Variants in AS3MT observed in about 807,000 individuals in gnomAD.
AS3MT encodes S-adenosyl-L-methionine:arsenic(III) methyltransferase.
AS3MT carries 47 observed loss-of-function variants against 45.3 expected under a neutral mutation model. The observed-to-expected ratio is 1.04, with a 90% CI of 0.82 to 1.32. The LOEUF is 1.32. Among genes scored for constraint, AS3MT ranks in the 40% most tolerant of loss-of-function variants. The pLI, the probability that AS3MT is intolerant of heterozygous loss-of-function variation, is 0.00. For missense variants in AS3MT, 396 were observed against 451.1 expected (o/e 0.88, Z 1.11); for synonymous variants, 141 against 152.8 (o/e 0.92, Z 0.57).
At chr10:102,884,702 G>T (rs1405710373) in intron 9 of AS3MT, among the ~76,000 whole-genome samples, 1 of 151,348 alleles carries the variant, frequency 6.6e-6, no homozygotes, top group Non-Finnish European at 1.5e-5. Context: ...GCCTGCCACC[G>T]TGCCCAGCTA....
At chr10:102,871,370 C>T (rs61870810) in intron 3 of AS3MT, among the ~76,000 whole-genome samples, 4,540 of 151,962 alleles carry the variant, frequency 0.03, 100 homozygotes, top group Middle Eastern at 0.054. Flanking sequence ...CATGGTGAAA[C>T]CCCGTCTCTA....
chr10:102,900,383 G>A (rs1031584791), intron 10 of AS3MT, among the ~76,000 whole-genome samples: 6 of 152,246 alleles, frequency 3.9e-5, no homozygotes, highest in South Asian at 4.1e-4. Context: ...GAAGCTTTAA[G>A]TGAAGTTTAC....
chr10:102,877,692 G>C (rs1182269233), intron 7 of AS3MT, among the ~76,000 whole-genome samples: 1 of 148,036 alleles, frequency 6.8e-6, no homozygotes, highest in Non-Finnish European at 1.5e-5. Flanking sequence ...GGGTGTCATA[G>C]TAAAACCCTA....
At chr10:102,875,587 G>C (rs12765337) in intron 6 of AS3MT, among the ~76,000 whole-genome samples, 56,794 of 151,082 alleles carry the variant, frequency 0.38, 10,895 homozygotes, top group East Asian at 0.56. Flanking sequence ...GAGTTTGTGT[G>C]CAGCTTGGGC....
chr10:102,892,985 AAAATAAATAAATAAAT>A (rs35801309), intron 10 of AS3MT, among the ~76,000 whole-genome samples: 1,621 of 138,356 alleles, frequency 0.012, 32 homozygotes, highest in African/African-American at 0.041. Flanking sequence ...ACTCTGTCTC[AAAATAAATAAATAAAT>A]AAATAAATAA....
intron 4 of AS3MT, among the ~76,000 whole-genome samples, 180 bp downstream of exon 4, chr10:102,872,778 T>C (rs771669666): frequency 5.3e-5 from 8 of 152,242 alleles, no homozygotes; most frequent in Non-Finnish European, 7.3e-5. Flanking sequence ...TTAGGGGTTC[T>C]TCTGGGCGAA....
At chr10:102,872,191 CATT>C (rs1844702595) in intron 3 of AS3MT, among the ~76,000 whole-genome samples, 1 of 152,144 alleles carries the variant, frequency 6.6e-6, no homozygotes, top group Admixed American at 6.6e-5. Context: ...AGCCTGAACA[CATT>C]ATTTTAGATG....
chr10:102,890,764 G>T (rs1845057082), intron 10 of AS3MT, 86 bp downstream of exon 10: 4 of 1,358,016 alleles, frequency 2.9e-6, no homozygotes, highest in Admixed American at 2.2e-5. Flanking sequence ...AGACTGGAGT[G>T]CAGTGGTGTG....
In AS3MT at chr10:102,873,077, C is replaced by T. The variant is rs770361492; in HGVS notation, c.322-20C>T. ...TATTTTTTTCAAAATGTTATCAAAACTATATTTTTCTTACTTTAGGTGGAA... is the reference window on the plus strand; with the variant it reads ...TATTTTTTTCAAAATGTTATCAAAATTATATTTTTCTTACTTTAGGTGGAA... On this transcript the variant is annotated intron_variant, in intron 4 of 10. Coordinates refer to ENST00000369880, the MANE Select transcript of AS3MT (RefSeq NM_020682.4). 6.5e-7 allele frequency: 1 copy of T among 1,543,906 alleles called. No homozygotes were observed. Among genetic ancestry groups the T allele is most frequent in the Non-Finnish European group, 8.7e-7 (1 of 1,151,408 alleles).
chr10:102,897,601 G>A (rs1189436583), intron 10 of AS3MT, among the ~76,000 whole-genome samples: 2 of 151,600 alleles, frequency 1.3e-5, no homozygotes, highest in Non-Finnish European at 2.9e-5. Flanking sequence ...GAGTAGCTGG[G>A]ACTACAGGCA....
chr10:102,872,176 C>T (rs183306757), intron 3 of AS3MT, among the ~76,000 whole-genome samples: 9 of 152,278 alleles, frequency 5.9e-5, no homozygotes, highest in East Asian at 1.9e-4. Flanking sequence ...TGAGCCACCG[C>T]GCCCAGCCTG....
intron 9 of AS3MT, among the ~76,000 whole-genome samples, chr10:102,885,070 C>T (rs531301428): frequency 1.3e-5 from 2 of 152,174 alleles, no homozygotes; most frequent in African/African-American, 2.4e-5. Context: ...ACTGATCCAT[C>T]GAACACTAGG....
At position 102,893,342 on chromosome 10, in the gene AS3MT, G is replaced by A. The variant is rs1052062761; in HGVS notation, c.1020+2664G>A. Reference sequence around the variant, plus strand: ...CTTTTTTTTGGTGGGGGAGGGGGACGGAGTCTTCCTCTGTCACCCAGGCTG... The same window carrying A: ...CTTTTTTTTGGTGGGGGAGGGGGACAGAGTCTTCCTCTGTCACCCAGGCTG... On this transcript the variant is annotated intron_variant, in intron 10 of 10. Transcript: ENST00000369880. 6.6e-5 allele frequency among the ~76,000 whole-genome samples: 10 copies of A among 151,938 alleles called. No homozygotes were observed. The East Asian group carries it at 7.7e-4, about 12-fold the overall frequency.
intron 2 of AS3MT, 104 bp downstream of exon 2, chr10:102,869,949 C>A: frequency 6.4e-7 from 1 of 1,570,012 alleles, no homozygotes; most frequent in South Asian, 1.1e-5. Context: ...CGGGGTAGGG[C>A]AGGGTCTAGG....
intron 3 of AS3MT, among the ~76,000 whole-genome samples, chr10:102,870,608 C>T (rs927127111): frequency 2.0e-5 from 3 of 152,206 alleles, no homozygotes; most frequent in African/African-American, 7.2e-5. Flanking sequence ...TCTGTAGTCC[C>T]TACCCATGCT....
chr10:102,898,287 T>C (rs528320400), intron 10 of AS3MT, among the ~76,000 whole-genome samples: 8 of 152,248 alleles, frequency 5.3e-5, no homozygotes, highest in East Asian at 3.9e-4. Context: ...ATTAAAACAA[T>C]TGTACTATTA....
chr10:102,883,980 CTT>C lies in AS3MT; in HGVS notation c.885+5004_885+5005del, dbSNP rs35305641. ...TTTCTTTTCTTTTCTTTCTTTATTT[CTT>C]TTTTTTTTTTTTTTGAGGCAGAATC... is the stretch of plus-strand genomic sequence containing the variant. On this transcript the variant is annotated intron_variant, in intron 9 of 10. Transcript: ENST00000369880. Among the ~76,000 whole-genome samples, 582 of 129,356 alleles carry C rather than the reference CTT, an allele frequency of 4.5e-3. 13 individuals carry two copies. In the East Asian group the frequency reaches 0.073, roughly 16 times the overall value. The allele number at this position is 129,356 out of a possible 152,430, so 84.9% of individuals were successfully genotyped here. A position where few individuals can be genotyped will look rare whatever the true frequency, so the allele number is the denominator to read the frequency against.
chr10:102,886,301 C>T (rs1259374850), intron 9 of AS3MT, among the ~76,000 whole-genome samples: 1 of 149,016 alleles, frequency 6.7e-6, no homozygotes, highest in African/African-American at 2.5e-5. Flanking sequence ...CCCTCCCTCC[C>T]TCCCTCCCTT....
rs1446187897 is a variant in AS3MT, at chr10:102,870,191, A to T, written c.150A>T (p.Val50=). The T allele has an allele frequency of 6.2e-7, 1 of 1,614,222 alleles. No homozygotes were observed. Among genetic ancestry groups the T allele is most frequent in the South Asian group, 1.1e-5 (1 of 91,084 alleles). ...PKHIREALQN[V]HEEVALRYYG... ...ACATCCGGGAAGCCTTGCAAAATGT[A>T]CACGAAGAAGTAGCCCTAAGGTAGA... Residue 50 remains valine (V), a synonymous_variant, in exon 3 of 11, where the codon GTA becomes GTT. Transcript: ENST00000369880.
Sources: allele counts gnomAD v4.1 joint callset (sites outside exome capture counted in the v4.1 genomes callset), GRCh38; gene constraint gnomAD v4.1.1; transcripts MANE v1.5; gene names NCBI Gene and HGNC (gene_info 2026-07-23, HGNC 2026-07-21).